Variants in PDE6B observed in about 807,000 individuals in gnomAD.
The protein encoded by PDE6B is phosphodiesterase 6B, also known as rod cGMP-specific 3',5'-cyclic phosphodiesterase subunit beta.
PDE6B carries 106 observed loss-of-function variants against 109.0 expected under a neutral mutation model. The ratio of observed to expected loss-of-function variants is 0.97; its 90% CI spans 0.83 to 1.14. PDE6B has a LOEUF of 1.14. PDE6B is among the 50% of genes most tolerant of loss of function. The probability of loss-of-function intolerance (pLI) is 0.00; values close to 1 mark genes in which losing one functional copy is unlikely to be tolerated. For synonymous variants in PDE6B, 490 were observed against 471.3 expected (o/e 1.04, Z -0.51); for missense variants, 1,193 against 1,155.6 (o/e 1.03, Z -0.47).
intron 21 of PDE6B, among the ~76,000 whole-genome samples, chr4:668,471 A>G (rs1738057722): frequency 8.3e-6 from 1 of 120,500 alleles, no homozygotes; most frequent in African/African-American, 3.3e-5. Flanking sequence ...TGCTCCCACT[A>G]CCCCATGCTG....
intron 16 of PDE6B, 39 bp from the exon 17 acceptor site, chr4:664,075 C>T (rs992650711): frequency 2.1e-6 from 3 of 1,418,320 alleles, no homozygotes; most frequent in Admixed American, 3.3e-5. Flanking sequence ...GGTCTCCACA[C>T]TTGCTCCCAC....
Position 633,106 on chromosome 4 carries a change from G to A in PDE6B, c.469-1571G>A, listed in dbSNP as rs915003929. Among the ~76,000 whole-genome samples the A allele has an allele frequency of 6.6e-6, 1 of 152,162 alleles. No homozygotes were observed. Among genetic ancestry groups the A allele is most frequent in the Non-Finnish European group, 1.5e-5 (1 of 68,028 alleles). On this transcript the variant is annotated intron_variant, in intron 1 of 21. Coordinates refer to ENST00000496514, the MANE Select transcript of PDE6B (RefSeq NM_000283.4). This position sits in a 1 kb window ranked among gnomAD's most constrained non-coding sequence, Gnocchi z 4.5. The stretch of plus-strand genomic sequence containing the variant: ...ACAGGCACAACAGGCACCACGACAA[G>A]CAGGCAGGAGTGTGCTGTGCTTGGC...
At chr4:637,313 C>A (rs111756557) in intron 3 of PDE6B, among the ~76,000 whole-genome samples, 1 of 152,014 alleles carries the variant, frequency 6.6e-6, no homozygotes, top group Admixed American at 6.6e-5. Context: ...CCTCTGCCCC[C>A]CCGGTTCAAA....
At chr4:651,984 T>G (rs61037463) in intron 3 of PDE6B, 6 of 154,274 alleles carry the variant, frequency 3.9e-5, no homozygotes, top group African/African-American at 5.0e-5. Context: ...GCTCCATGAC[T>G]GTGACTGCGG....
At chr4:634,382 T>A (rs1259219762) in intron 1 of PDE6B, among the ~76,000 whole-genome samples, 1 of 152,120 alleles carries the variant, frequency 6.6e-6, no homozygotes, top group African/African-American at 2.4e-5. Context: ...GGGCGGCAGG[T>A]GCGTGAGGTG....
chr4:664,546 T>A (rs903058542), intron 17 of PDE6B, among the ~76,000 whole-genome samples: 7 of 152,164 alleles, frequency 4.6e-5, no homozygotes, highest in African/African-American at 1.7e-4. Context: ...AGGGACCCAG[T>A]GAGAAAATAC....
chr4:634,740 ACACC>A lies in PDE6B; in HGVS notation c.535_538del (p.Pro179SerfsTer2). The A allele has an allele frequency of 5.0e-6, 8 of 1,612,602 alleles. No individual in the cohort carries two copies. Among genetic ancestry groups the A allele is most frequent in the Non-Finnish European group, 6.8e-6 (8 of 1,178,576 alleles). On this transcript the variant is annotated frameshift_variant, in exon 2 of 22. Transcript: ENST00000496514. LOFTEE classifies it high-confidence loss of function. Reference sequence around the variant, plus strand: ...CTACAAGACAAAGAATATGCTGGCCACACCCATCATGAATGGCAAAGACGTCGTG... The same window carrying A: ...CTACAAGACAAAGAATATGCTGGCCACATCATGAATGGCAAAGACGTCGTG...
intron 3 of PDE6B, among the ~76,000 whole-genome samples, chr4:642,847 A>G (rs1304161486): frequency 6.6e-6 from 1 of 150,556 alleles, no homozygotes; most frequent in Non-Finnish European, 1.5e-5. Flanking sequence ...ATTCAGAATG[A>G]GTGTTGGATT....
chr4:664,180 G>A lies in PDE6B; in HGVS notation c.2088G>A (p.Val696=). The change falls in exon 17 of 22, where the codon GTG becomes GTA. Residue 696 remains valine, a synonymous_variant. Coordinates refer to ENST00000496514, the MANE Select transcript of PDE6B (RefSeq NM_000283.4). The part of the protein sequence containing the change: ...SKNYQDKKSW[V]EYLSLETTRK... ...ACTACCAGGACAAGAAGAGCTGGGT[G>A]GAGTACCTGTCCCTGGAGACGACCC... 1.9e-6 allele frequency: 3 copies of A among 1,611,376 alleles called. No homozygotes were observed. The highest frequency in any genetic ancestry group is 2.2e-5 in the East Asian group (1 of 44,864).
rs535020191 is a variant in PDE6B at position 626,313 on chromosome 4, A to T, written c.468+219A>T. Among the ~76,000 whole-genome samples the T allele has an allele frequency of 6.6e-6, 1 of 152,286 alleles. No individual in the cohort carries two copies. Among genetic ancestry groups the T allele is most frequent in the Non-Finnish European group, 1.5e-5 (1 of 68,008 alleles). On this transcript the variant is annotated intron_variant, in intron 1 of 21. Transcript: ENST00000496514. This position sits in a 1 kb window ranked among gnomAD's most constrained non-coding sequence, Gnocchi z 4.6. ...GGCTTCTGGCTCAAGCTGACATCGC[A>T]TGGCCACTGAGTTGGTTAGACCTGA... is the stretch of plus-strand genomic sequence containing the variant.
chr4:662,631 G>A lies in PDE6B; in HGVS notation c.1832+13G>A. 1 of 1,498,862 alleles carries A rather than the reference G, an allele frequency of 6.7e-7. No individual in the cohort carries two copies. The highest frequency in any genetic ancestry group is 9.3e-7 in the Non-Finnish European group (1 of 1,075,438). 92.8% of individuals were successfully genotyped at this position (1,498,862 alleles called of 1,614,324 possible). On this transcript the variant is annotated intron_variant, in intron 14 of 21. Transcript: ENST00000496514. The surrounding 1 kb of genome is among the most constrained non-coding windows in gnomAD (Gnocchi z 4.3). ...TGTACCAGATGAAGTAGGCACCTCAGGGCGGGCATGTGAATTAGCCCTAAA... is the reference window on the plus strand; with the variant it reads ...TGTACCAGATGAAGTAGGCACCTCAAGGCGGGCATGTGAATTAGCCCTAAA...
chr4:664,439 G>T (rs940166602), intron 17 of PDE6B, among the ~76,000 whole-genome samples: 3 of 152,196 alleles, frequency 2.0e-5, no homozygotes, highest in African/African-American at 7.2e-5. Context: ...CCCTGCATTG[G>T]TCTGTAGCCC....
intron 18 of PDE6B, 32 bp downstream of exon 18, chr4:664,976 C>G (rs763961066): frequency 6.6e-7 from 1 of 1,525,632 alleles, no homozygotes; most frequent in Non-Finnish European, 9.1e-7. Flanking sequence ...GACCCAGAGT[C>G]AGTGCCTCTC....
chr4:670,386 G>A lies in PDE6B; in HGVS notation c.*279G>A, dbSNP rs886059548. ...GCCTCCTGAGTAGCTGGGACTACAG[G>A]CGCCCACCACCACACATGGCTAATT... On this transcript the variant is annotated 3_prime_UTR_variant, in exon 22 of 22. Coordinates refer to ENST00000496514, the MANE Select transcript of PDE6B (RefSeq NM_000283.4). 5.1e-6 allele frequency: 2 copies of A among 388,486 alleles called. No homozygotes were observed. Among genetic ancestry groups the A allele is most frequent in the East Asian group, 1.2e-4 (2 of 17,126 alleles). The allele number at this position is 388,486 out of a possible 1,614,324, so 24.1% of individuals were successfully genotyped here.
At chr4:652,916 A>T (rs1316962503) in intron 3 of PDE6B, 1 of 152,872 alleles carries the variant, frequency 6.5e-6, no homozygotes, top group Non-Finnish European at 1.5e-5. Flanking sequence ...GGATATGTTG[A>T]TTAGCTTAAT....
At chr4:635,418 T>C (rs1309902320) in intron 2 of PDE6B, among the ~76,000 whole-genome samples, 50 of 88,652 alleles carry the variant, frequency 5.6e-4, no homozygotes, top group South Asian at 1.2e-3. Context: ...TTCTGTGCTG[T>C]GCGTCCACCT....
chr4:627,936 G>A lies in PDE6B; in HGVS notation c.468+1842G>A, dbSNP rs371669074. Among the ~76,000 whole-genome samples the A allele has an allele frequency of 4.6e-5, 7 of 151,652 alleles. No homozygotes were observed. The East Asian group carries it at 5.9e-4, about 13-fold the overall frequency. On this transcript the variant is annotated intron_variant, in intron 1 of 21. Coordinates refer to ENST00000496514, the MANE Select transcript of PDE6B (RefSeq NM_000283.4). ...CTGGGCTGTCCTAGGTCCGTCCCTC[G>A]GCCTGGCCTGTTCCCCAGGGCTGTT...
chr4:634,615 T>C (rs1408391850), intron 1 of PDE6B, 62 bp from the exon 2 acceptor site: 3 of 1,351,784 alleles, frequency 2.2e-6, no homozygotes, highest in Non-Finnish European at 3.2e-6. Flanking sequence ...ACAACCCCAG[T>C]GGTGCGGGCT....
At chr4:661,994 G>C (rs1237697040) in intron 12 of PDE6B, 140 bp from the exon 13 acceptor site, 1 of 682,748 alleles carries the variant, frequency 1.5e-6, no homozygotes, top group Non-Finnish European at 2.7e-6. Flanking sequence ...CGCAGGGATG[G>C]GGAAGATCGG....
Sources: allele counts gnomAD v4.1 joint callset (sites outside exome capture counted in the v4.1 genomes callset), GRCh38; gene constraint gnomAD v4.1.1; non-coding constraint Gnocchi (gnomAD v3.1); transcripts MANE v1.5; gene names NCBI Gene and HGNC (gene_info 2026-07-23, HGNC 2026-07-21).